The following SLC20A2 variants were observed in gnomAD, a reference collection of about 807,000 sequenced individuals.
SLC20A2 encodes sodium-dependent phosphate transporter 2.
SLC20A2 carries 30 observed loss-of-function variants against 61.0 expected under a neutral mutation model. The ratio of observed to expected loss-of-function variants is 0.49; its 90% CI spans 0.37 to 0.67. The LOEUF (loss-of-function observed/expected upper bound fraction) is 0.67, where lower values mean the gene tolerates loss of function less well. Among genes scored for constraint, SLC20A2 ranks in the 30% least tolerant of loss-of-function variants. The pLI is 0.00. For missense variants in SLC20A2, 626 were observed against 866.4 expected (o/e 0.72, Z 3.48); for synonymous variants, 351 against 353.3 (o/e 0.99, Z 0.07).
Position 42,437,747 on chromosome 8 carries a change from C to G in SLC20A2, c.935-170G>C, listed in dbSNP as rs192268724. Reference sequence around the variant, plus strand: ...GATTCTCCCTCAGCCTCCTGAGTAGCTGGGACTACAAGCGCGACACCATGC... The same window carrying G: ...GATTCTCCCTCAGCCTCCTGAGTAGGTGGGACTACAAGCGCGACACCATGC... On this transcript the variant is annotated intron_variant, in intron 7 of 10. Coordinates refer to ENST00000520262, the MANE Select transcript of SLC20A2 (RefSeq NM_001257180.2). This position sits in a 1 kb window ranked among gnomAD's most constrained non-coding sequence, Gnocchi z 6.4. 1.5e-3 allele frequency among the ~76,000 whole-genome samples: 224 copies of G among 151,806 alleles called. No individual in the cohort carries two copies. The highest frequency in any genetic ancestry group is 2.9e-3 in the Non-Finnish European group (194 of 67,928).
chr8:42,483,483 TAG>T (rs1216296692), intron 1 of SLC20A2, among the ~76,000 whole-genome samples: 1 of 152,154 alleles, frequency 6.6e-6, no homozygotes. Flanking sequence ...TCCCCAGCAG[TAG>T]AGACTTTTAA....
chr8:42,492,693 C>A (rs1809610909), intron 1 of SLC20A2, among the ~76,000 whole-genome samples: 1 of 144,880 alleles, frequency 6.9e-6, no homozygotes, highest in Non-Finnish European at 1.5e-5. Flanking sequence ...ACTTGGTTTT[C>A]TTTTTTTTTT....
intron 6 of SLC20A2, among the ~76,000 whole-genome samples, chr8:42,443,754 AC>A (rs1178283347): frequency 6.6e-6 from 1 of 151,966 alleles, no homozygotes; most frequent in Non-Finnish European, 1.5e-5. Flanking sequence ...GCCTTCTCCA[AC>A]CCCCACCCAT....
chr8:42,482,237 TG>T (rs1808604420), intron 1 of SLC20A2, among the ~76,000 whole-genome samples: 1 of 152,156 alleles, frequency 6.6e-6, no homozygotes, highest in African/African-American at 2.4e-5. Context: ...GACAGGTAAT[TG>T]TAAGATTTTA....
In SLC20A2 at chr8:42,417,814, G is replaced by A; in HGVS notation, c.1948C>T (p.Pro650Ser). The A allele has an allele frequency of 6.2e-7, 1 of 1,613,960 alleles. No homozygotes were observed. The highest frequency in any genetic ancestry group is 8.5e-7 in the Non-Finnish European group (1 of 1,180,008). ...VMALLMYGIL[P>S]YV ...TGGAAGAAGACAAATCACACATATGGAAGGATCCCATACATGAGAAGAGCC... is the reference window on the plus strand; with the variant it reads ...TGGAAGAAGACAAATCACACATATGAAAGGATCCCATACATGAGAAGAGCC... Residue 650 changes from proline (P) to serine (S), a missense_variant, in exon 11 of 11, where the codon CCA becomes TCA. Coordinates refer to ENST00000520262, the MANE Select transcript of SLC20A2 (RefSeq NM_001257180.2).
chr8:42,497,090 A>T (rs1312449987), intron 1 of SLC20A2, among the ~76,000 whole-genome samples: 3 of 152,226 alleles, frequency 2.0e-5, no homozygotes, highest in South Asian at 2.1e-4. Context: ...CAGAAAAGTA[A>T]TTGCAAAATT....
chr8:42,501,479 T>C (rs1810314362), upstream of SLC20A2: 1 of 152,204 alleles, frequency 6.6e-6, no homozygotes, highest in Non-Finnish European at 1.5e-5. Context: ...CAGACCAAAC[T>C]TTGGCAACAA....
intron 5 of SLC20A2, among the ~76,000 whole-genome samples, chr8:42,447,093 G>A (rs1042730649): frequency 6.6e-6 from 1 of 152,096 alleles, no homozygotes; most frequent in African/African-American, 2.4e-5. Context: ...TGTAATCCCA[G>A]CACTTTGGGA....
chr8:42,528,191 G>A (rs911168013), intron 1 of SLC20A2, among the ~76,000 whole-genome samples: 1 of 152,174 alleles, frequency 6.6e-6, no homozygotes. Context: ...ACAGGGCGCG[G>A]TGGCTCACAC....
intron 1 of SLC20A2, among the ~76,000 whole-genome samples, chr8:42,529,461 A>G (rs1812193992): frequency 6.6e-6 from 1 of 152,240 alleles, no homozygotes; most frequent in East Asian, 1.9e-4. Flanking sequence ...ATTACATAAT[A>G]GCAATGGGTT....
chr8:42,473,043 A>T (rs543198382), intron 1 of SLC20A2, among the ~76,000 whole-genome samples: 27 of 152,250 alleles, frequency 1.8e-4, no homozygotes, highest in Non-Finnish European at 3.1e-4. Flanking sequence ...GAATGTGTCC[A>T]GTTTCCTGGA....
At chr8:42,535,568 G>A (rs555114029) in intron 1 of SLC20A2, among the ~76,000 whole-genome samples, 14 of 152,182 alleles carry the variant, frequency 9.2e-5, no homozygotes, top group Non-Finnish European at 1.9e-4. Flanking sequence ...TTTACACTCC[G>A]CTGTAAGATG....
intron 1 of SLC20A2, among the ~76,000 whole-genome samples, chr8:42,495,512 A>C (rs748265394): frequency 5.9e-5 from 9 of 152,196 alleles, no homozygotes; most frequent in Non-Finnish European, 1.2e-4. Context: ...CTGAAAACAG[A>C]CACAGATGTA....
Position 42,439,490 on chromosome 8 carries a change from C to A in SLC20A2, c.894G>T (p.Ser298=). Reference sequence around the variant, plus strand: ...GGTGGCTGCCCGCAGAAGTGCCTTCCGAGGTCCCCAGTGTCTCCCCTGCTG... The same window carrying A: ...GGTGGCTGCCCGCAGAAGTGCCTTCAGAGGTCCCCAGTGTCTCCCCTGCTG... ...TGAAGETLGT[S]EGTSAGSHPR... Residue 298 remains serine (S), a synonymous_variant, in exon 7 of 11, where the codon TCG becomes TCT. Coordinates refer to ENST00000520262, the MANE Select transcript of SLC20A2 (RefSeq NM_001257180.2). The A allele has an allele frequency of 6.2e-7, 1 of 1,614,046 alleles. No individual in the cohort carries two copies. Among genetic ancestry groups the A allele is most frequent in the South Asian group, 1.1e-5 (1 of 91,072 alleles).
At chr8:42,458,494 A>G (rs898230785) in intron 5 of SLC20A2, among the ~76,000 whole-genome samples, 4 of 151,674 alleles carry the variant, frequency 2.6e-5, no homozygotes, top group African/African-American at 9.7e-5. Flanking sequence ...GTGGTGGCAC[A>G]CACCTGTGGT....
rs1159291982 is a variant in SLC20A2 at position 42,472,705 on chromosome 8, CA to C, written c.-264-52del. The C allele has an allele frequency of 8.0e-6, 2 of 250,356 alleles. No homozygotes were observed. The highest frequency in any genetic ancestry group is 1.8e-4 in the East Asian group (2 of 11,278). 15.5% of individuals were successfully genotyped at this position (250,356 alleles called of 1,614,324 possible). The stretch of plus-strand genomic sequence containing the variant: ...ATCAATTATACTCAGCAACCTGTAA[CA>C]GTTTGTTCTTTCAGAAATAAATGTT... On this transcript the variant is annotated intron_variant, in intron 1 of 10. Transcript: ENST00000520262. The surrounding 1 kb of genome is among the most constrained non-coding windows in gnomAD (Gnocchi z 4.1).
chr8:42,486,100 T>A (rs936287280), intron 1 of SLC20A2, among the ~76,000 whole-genome samples: 3 of 152,056 alleles, frequency 2.0e-5, no homozygotes, highest in Non-Finnish European at 4.4e-5. Flanking sequence ...TATTGTCTTT[T>A]ATCATTAACT....
intron 5 of SLC20A2, among the ~76,000 whole-genome samples, chr8:42,446,154 AT>A (rs1269404811): frequency 6.6e-6 from 1 of 152,218 alleles, no homozygotes; most frequent in East Asian, 1.9e-4. Flanking sequence ...CTGACCTTCA[AT>A]TCTAACTCTT....
chr8:42,540,672 C>T (rs906369825), intron 1 of SLC20A2, among the ~76,000 whole-genome samples: 18 of 152,210 alleles, frequency 1.2e-4, no homozygotes, highest in African/African-American at 4.1e-4. Context: ...CTCATCTCTG[C>T]AGGGTTTCAT....
Sources: gnomAD v4.1 joint callset for allele counts (sites outside exome capture counted in the v4.1 genomes callset) on GRCh38, gnomAD v4.1.1 for gene constraint, Gnocchi (gnomAD v3.1) non-coding constraint, MANE v1.5 for transcripts, NCBI Gene and HGNC (gene_info 2026-07-23, HGNC 2026-07-21) for gene names.